Variants in PLEKHB2 observed in about 807,000 individuals in gnomAD.
The protein encoded by PLEKHB2 is pleckstrin homology domain containing B2.
PLEKHB2 carries 31 observed loss-of-function variants against 36.5 expected under a neutral mutation model. That is an observed-to-expected ratio of 0.85 (90% CI 0.64 to 1.15). The LOEUF is 1.15. Among genes scored for constraint, PLEKHB2 ranks in the 50% most tolerant of loss-of-function variants. The pLI is 0.00. For synonymous variants in PLEKHB2, 119 were observed against 112.0 expected, an observed-to-expected ratio of 1.06 and a Z score of -0.39; for missense variants, 262 against 295.3, an observed-to-expected ratio of 0.89 and a Z score of 0.83.
chr2:131,114,514 C>G (rs1695660392), intron 1 of PLEKHB2, among the ~76,000 whole-genome samples: 1 of 152,182 alleles, frequency 6.6e-6, no homozygotes, highest in African/African-American at 2.4e-5. Context: ...GAATTTCTCC[C>G]CAGAAAATGG....
At chr2:131,123,555 T>C (rs1696741368) in intron 2 of PLEKHB2, among the ~76,000 whole-genome samples, 1 of 152,234 alleles carries the variant, frequency 6.6e-6, no homozygotes, top group Non-Finnish European at 1.5e-5. Flanking sequence ...GACAGAGTCT[T>C]GCTTTGTCGC....
chr2:131,125,714 T>TAA (rs368939952), intron 2 of PLEKHB2, 39 bp from the exon 3 acceptor site: 6,434 of 1,305,724 alleles, frequency 4.9e-3, no homozygotes, highest in Non-Finnish European at 5.2e-3. Context: ...AGACTGTCTC[T>TAA]AAAAAAAAAA....
rs1166957309 is a variant in PLEKHB2, at chr2:131,149,518, CA to C, written c.*2747del. On this transcript the variant is annotated 3_prime_UTR_variant, in exon 8 of 8. Coordinates refer to ENST00000693505, the MANE Select transcript of PLEKHB2 (RefSeq NM_001100623.2). ...AATGTTTTGGATCATCATTTGTGAA[CA>C]AGGCCAGACTTTGCCCATTTTAGGC... 1 of 152,202 alleles carries C rather than the reference CA, an allele frequency of 6.6e-6. No homozygotes were observed. The highest frequency in any genetic ancestry group is 1.9e-4 in the East Asian group (1 of 5,200). 9.4% of individuals were successfully genotyped at this position (152,202 alleles called of 1,614,324 possible). A position where few individuals can be genotyped will look rare whatever the true frequency, so the allele number is the denominator to read the frequency against.
chr2:131,142,149 G>T (rs1698852021), intron 7 of PLEKHB2, among the ~76,000 whole-genome samples: 1 of 152,140 alleles, frequency 6.6e-6, no homozygotes, highest in African/African-American at 2.4e-5. Context: ...GGAAGGAACT[G>T]AACTATCCCA....
At chr2:131,117,861 C>T (rs185474309) in intron 1 of PLEKHB2, among the ~76,000 whole-genome samples, 9 of 152,144 alleles carry the variant, frequency 5.9e-5, no homozygotes, top group African/African-American at 2.2e-4. Context: ...ACTGCTGTAT[C>T]CTTAGTGTCT....
intron 7 of PLEKHB2, among the ~76,000 whole-genome samples, 176 bp downstream of exon 7, chr2:131,140,451 T>C (rs1204772186): frequency 6.6e-6 from 1 of 152,278 alleles, no homozygotes; most frequent in East Asian, 1.9e-4. Context: ...TTCATACTGC[T>C]CTGCAAAGCT....
intron 1 of PLEKHB2, among the ~76,000 whole-genome samples, chr2:131,107,017 T>C (rs575551796): frequency 2.0e-5 from 3 of 152,206 alleles, no homozygotes; most frequent in Non-Finnish European, 4.4e-5. Context: ...ACAGATACTC[T>C]TGTGGTGTTA....
chr2:131,122,374 T>C (rs995591018), intron 2 of PLEKHB2, among the ~76,000 whole-genome samples: 15 of 152,242 alleles, frequency 9.9e-5, no homozygotes, highest in South Asian at 2.1e-4. Flanking sequence ...CCATTGATTG[T>C]TCAGAGACTT....
Position 131,123,376 on chromosome 2 carries a change from A to T in PLEKHB2, c.38-2377A>T, listed in dbSNP as rs551786758. Among the ~76,000 whole-genome samples the T allele has an allele frequency of 1.4e-3, 207 of 152,316 alleles. 1 individual carries two copies. The highest frequency in any genetic ancestry group is 3.4e-3 in the Middle Eastern group (1 of 294). ...GGACTTATTTTCCTGCCATTGCCAC[A>T]TGTACTGTTGGGACCCAGTCCTGGC... On this transcript the variant is annotated intron_variant, in intron 2 of 7. Coordinates refer to ENST00000693505, the MANE Select transcript of PLEKHB2 (RefSeq NM_001100623.2).
At chr2:131,145,951 C>G (rs892582397) in intron 7 of PLEKHB2, among the ~76,000 whole-genome samples, 3 of 151,574 alleles carry the variant, frequency 2.0e-5, no homozygotes, top group Non-Finnish European at 4.4e-5. Context: ...GGGAGGCCGA[C>G]GCGGGTGGAT....
intron 1 of PLEKHB2, among the ~76,000 whole-genome samples, chr2:131,106,066 T>G (rs543428527): frequency 6.6e-6 from 1 of 152,264 alleles, no homozygotes; most frequent in African/African-American, 2.4e-5. Flanking sequence ...TTATCTTACA[T>G]ATCTCTCTTC....
intron 4 of PLEKHB2, among the ~76,000 whole-genome samples, chr2:131,129,901 G>A (rs1158063999): frequency 6.6e-6 from 1 of 152,230 alleles, no homozygotes; most frequent in East Asian, 1.9e-4. Flanking sequence ...TGTTAGAATC[G>A]TTTTGCAGGG....
chr2:131,110,478 C>T (rs1412582960), intron 1 of PLEKHB2, among the ~76,000 whole-genome samples: 14 of 152,112 alleles, frequency 9.2e-5, no homozygotes, highest in Non-Finnish European at 2.1e-4. Flanking sequence ...TGGGCTCAAG[C>T]GATCTTCCTA....
chr2:131,133,729 C>T (rs1411416609), intron 6 of PLEKHB2, among the ~76,000 whole-genome samples: 1 of 152,164 alleles, frequency 6.6e-6, no homozygotes, highest in Non-Finnish European at 1.5e-5. Context: ...TTCCCTAAAC[C>T]CTGTCAATCA....
At chr2:131,135,175 G>C (rs1460052351) in intron 6 of PLEKHB2, among the ~76,000 whole-genome samples, 1 of 151,568 alleles carries the variant, frequency 6.6e-6, no homozygotes, top group Non-Finnish European at 1.5e-5. Flanking sequence ...GGGTTCAAGC[G>C]ATTCTCCTGC....
chr2:131,140,399 C>T (rs1307095370), intron 7 of PLEKHB2, 124 bp downstream of exon 7: 9 of 600,344 alleles, frequency 1.5e-5, no homozygotes, highest in South Asian at 4.2e-5. Context: ...TTGTAGACTA[C>T]AAATCACTCT....
At chr2:131,131,720 T>G (rs903356492) in intron 5 of PLEKHB2, among the ~76,000 whole-genome samples, 4 of 151,648 alleles carry the variant, frequency 2.6e-5, no homozygotes, top group African/African-American at 9.7e-5. Context: ...CTAAGCTTAC[T>G]CTACAGCCGC....
chr2:131,127,276 C>G (rs745389776), intron 4 of PLEKHB2, among the ~76,000 whole-genome samples: 30 of 152,190 alleles, frequency 2.0e-4, no homozygotes, highest in Non-Finnish European at 4.1e-4. Context: ...CTTGCCTCTT[C>G]CTAGCTTCTG....
intron 7 of PLEKHB2, among the ~76,000 whole-genome samples, chr2:131,143,715 C>A (rs941477171): frequency 2.6e-5 from 4 of 152,076 alleles, no homozygotes; most frequent in Non-Finnish European, 5.9e-5. Context: ...GAATAATTTT[C>A]CTTTGCACAT....
Sources: allele counts gnomAD v4.1 joint callset (sites outside exome capture counted in the v4.1 genomes callset), GRCh38; gene constraint gnomAD v4.1.1; transcripts MANE v1.5; gene names NCBI Gene and HGNC (gene_info 2026-07-23, HGNC 2026-07-21).